The following PRR5L variants were observed in gnomAD, a reference collection of about 807,000 sequenced individuals.
PRR5L encodes the protein proline-rich protein 5-like.
PRR5L carries 21 observed loss-of-function variants against 36.4 expected under a neutral mutation model. The ratio of observed to expected loss-of-function variants is 0.58; its 90% CI spans 0.41 to 0.83. The LOEUF (loss-of-function observed/expected upper bound fraction) is 0.83. Among genes scored for constraint, PRR5L ranks in the 40% least tolerant of loss-of-function variants. The pLI is 0.00. For synonymous variants in PRR5L, 188 were observed against 197.0 expected (o/e 0.95, Z 0.38); for missense variants, 381 against 473.3 (o/e 0.80, Z 1.81).
chr11:36,300,772 G>C (rs1347056112), intron 1 of PRR5L, among the ~76,000 whole-genome samples: 1 of 152,176 alleles, frequency 6.6e-6, no homozygotes, highest in Non-Finnish European at 1.5e-5. Flanking sequence ...CCTGGCAGTG[G>C]TTCAGAGGCT....
intron 1 of PRR5L, among the ~76,000 whole-genome samples, chr11:36,339,260 ATT>A (rs2133478955): frequency 6.6e-6 from 1 of 152,190 alleles, no homozygotes; most frequent in Admixed American, 6.5e-5. Context: ...CACCCAGCTA[ATT>A]TTTGTATTTT....
At chr11:36,382,684 G>T (rs1226128308) in intron 1 of PRR5L, among the ~76,000 whole-genome samples, 3 of 152,168 alleles carry the variant, frequency 2.0e-5, no homozygotes, top group African/African-American at 7.2e-5. Context: ...GCTGTCCTGT[G>T]CATAGTAGGA....
intron 1 of PRR5L, among the ~76,000 whole-genome samples, chr11:36,355,609 G>T (rs183526841): frequency 6.6e-6 from 1 of 150,820 alleles, no homozygotes; most frequent in East Asian, 2.0e-4. Context: ...GAGTACAGTG[G>T]TGCAATCTCA....
intron 1 of PRR5L, among the ~76,000 whole-genome samples, chr11:36,397,841 GC>G (rs1346845424): frequency 1.3e-5 from 2 of 151,372 alleles, no homozygotes; most frequent in Non-Finnish European, 2.9e-5. Context: ...TGTTGCCCAG[GC>G]TATAGTGCAA....
At chr11:36,331,015 A>G (rs1055463355) in intron 1 of PRR5L, among the ~76,000 whole-genome samples, 1 of 152,198 alleles carries the variant, frequency 6.6e-6, no homozygotes, top group Non-Finnish European at 1.5e-5. Context: ...CATGTTGGCC[A>G]GGCTAGTCTT....
At position 36,440,479 on chromosome 11, in the gene PRR5L, G is replaced by A. The variant is rs145422883; in HGVS notation, c.444+3003G>A. Among the ~76,000 whole-genome samples the A allele has an allele frequency of 8.3e-3, 1,260 of 152,246 alleles. 5 individuals are homozygous for A. The highest frequency in any genetic ancestry group is 0.016 in the Admixed American group (244 of 15,296). ...AAGGCAAAATCCATCATGTTCTCCA[G>A]GTGAGTGCTATAACTACCCATGCCC... On this transcript the variant is annotated intron_variant, in intron 6 of 8. Coordinates refer to ENST00000530639, the MANE Select transcript of PRR5L (RefSeq NM_001160167.2).
intron 1 of PRR5L, among the ~76,000 whole-genome samples, chr11:36,370,656 C>T (rs1378861185): frequency 6.6e-6 from 1 of 152,088 alleles, no homozygotes; most frequent in East Asian, 1.9e-4. Flanking sequence ...CCAACGCGGG[C>T]AAATCACAAG....
At chr11:36,296,917 A>AC (rs1554982179) in intron 1 of PRR5L, among the ~76,000 whole-genome samples, 1 of 151,388 alleles carries the variant, frequency 6.6e-6, no homozygotes, top group Non-Finnish European at 1.5e-5. Flanking sequence ...CTTGTAAAGC[A>AC]TTTTTTTTTA....
chr11:36,395,591 G>GC (rs1857642630), intron 1 of PRR5L, among the ~76,000 whole-genome samples: 3 of 152,170 alleles, frequency 2.0e-5, no homozygotes, highest in Non-Finnish European at 4.4e-5. Context: ...TTGTTATAGA[G>GC]TTATGTGAAT....
At chr11:36,389,458 A>C (rs550465145) in intron 1 of PRR5L, among the ~76,000 whole-genome samples, 4 of 152,278 alleles carry the variant, frequency 2.6e-5, no homozygotes, top group African/African-American at 9.6e-5. Context: ...ACGTGCACAT[A>C]AGCATTACAA....
At chr11:36,397,827 C>G (rs1857698800) in intron 1 of PRR5L, among the ~76,000 whole-genome samples, 1 of 150,726 alleles carries the variant, frequency 6.6e-6, no homozygotes, top group South Asian at 2.1e-4. Context: ...ACGAGTTTCG[C>G]TCTTGTTGCC....
In PRR5L at chr11:36,426,176, C is replaced by T. The variant is rs866451654; in HGVS notation, c.295-5677C>T. 4.6e-5 allele frequency: 7 copies of T among 152,244 alleles called. No individual in the cohort carries two copies. The South Asian group carries it at 1.2e-3, about 27-fold the overall frequency. 9.4% of individuals were successfully genotyped at this position (152,244 alleles called of 1,614,324 possible). The stretch of plus-strand genomic sequence containing the variant: ...CTGTAATGGATCCCATCTGCTTTCT[C>T]CTCTGGGCAAGGACATAGGACACCT... On this transcript the variant is annotated intron_variant, in intron 4 of 8. Transcript: ENST00000530639.
intron 1 of PRR5L, among the ~76,000 whole-genome samples, chr11:36,399,686 G>A (rs1477923534): frequency 3.3e-5 from 5 of 152,208 alleles, no homozygotes; most frequent in Non-Finnish European, 1.5e-5. Flanking sequence ...AAACCGTCAA[G>A]TAAAAAGTGA....
intron 1 of PRR5L, among the ~76,000 whole-genome samples, chr11:36,318,138 T>C (rs574127909): frequency 1.5e-3 from 225 of 152,348 alleles, no homozygotes; most frequent in Non-Finnish European, 2.2e-3. Flanking sequence ...TACACGTTTG[T>C]AGCCTAGGAG....
intron 1 of PRR5L, among the ~76,000 whole-genome samples, chr11:36,334,692 C>T (rs12418187): frequency 0.1 from 15,693 of 152,090 alleles, 1,547 homozygotes; most frequent in African/African-American, 0.27. Flanking sequence ...CCTCACAGTT[C>T]GTAATTTTAT....
At chr11:36,424,154 T>C (rs1858330257) in intron 4 of PRR5L, among the ~76,000 whole-genome samples, 1 of 152,172 alleles carries the variant, frequency 6.6e-6, no homozygotes, top group Non-Finnish European at 1.5e-5. Context: ...TGAAAATCAA[T>C]AGGCTTGCAG....
At chr11:36,339,761 C>T (rs1253652285) in intron 1 of PRR5L, among the ~76,000 whole-genome samples, 1 of 152,160 alleles carries the variant, frequency 6.6e-6, no homozygotes, top group Non-Finnish European at 1.5e-5. Context: ...ATGGTGGTCT[C>T]ATAATTTAAA....
chr11:36,357,149 T>C (rs1857036131), intron 1 of PRR5L, among the ~76,000 whole-genome samples: 1 of 152,198 alleles, frequency 6.6e-6, no homozygotes. Context: ...GCCACAACAT[T>C]CCCTTACGCC....
intron 1 of PRR5L, among the ~76,000 whole-genome samples, chr11:36,362,385 T>G (rs1456891011): frequency 7.1e-6 from 1 of 141,402 alleles, no homozygotes; most frequent in East Asian, 2.1e-4. Context: ...AAGTGAATGC[T>G]AAGGTGCTGG....
Sources: gnomAD v4.1 joint callset for allele counts (sites outside exome capture counted in the v4.1 genomes callset) on GRCh38, gnomAD v4.1.1 for gene constraint, MANE v1.5 for transcripts, NCBI Gene and HGNC (gene_info 2026-07-23, HGNC 2026-07-21) for gene names.